SAMTOR: variants seen among roughly 807,000 people sequenced by gnomAD.
SAMTOR encodes the protein S-adenosylmethionine sensor upstream of mTORC1.
chr7:112,859,712 AAAAAC>A, the SAMTOR span, among the ~76,000 whole-genome samples: 1 of 152,226 alleles, frequency 6.6e-6, no homozygotes, highest in Admixed American at 6.5e-5. Flanking sequence ...AAAAAGTAAA[AAAAAC>A]AAAATTTAAA....
chr7:112,927,256 A>G, the SAMTOR span, among the ~76,000 whole-genome samples: 4 of 152,138 alleles, frequency 2.6e-5, no homozygotes, highest in East Asian at 7.7e-4. Flanking sequence ...TTAAAACTCA[A>G]TTTTAAGGAT....
chr7:112,864,070 T>C, the SAMTOR span, among the ~76,000 whole-genome samples: 1 of 152,088 alleles, frequency 6.6e-6, no homozygotes, highest in African/African-American at 2.4e-5. Flanking sequence ...TATGCAGCTA[T>C]AAAAAAATGA....
At chr7:112,914,509 T>G in the SAMTOR span, among the ~76,000 whole-genome samples, 1 of 152,070 alleles carries the variant, frequency 6.6e-6, no homozygotes, top group Non-Finnish European at 1.5e-5. Flanking sequence ...TTTTCTGATA[T>G]TTTTAGCATT....
At chr7:112,909,461 C>T in the SAMTOR span, among the ~76,000 whole-genome samples, 20 of 152,046 alleles carry the variant, frequency 1.3e-4, no homozygotes, top group African/African-American at 4.8e-5. Context: ...CAATAAAAAA[C>T]GCCCCAAACT....
the SAMTOR span, among the ~76,000 whole-genome samples, chr7:112,853,933 G>A: frequency 6.6e-6 from 1 of 152,046 alleles, no homozygotes. Context: ...TTTTAGAGCA[G>A]GGAAAATTCA....
chr7:112,905,791 T>C, the SAMTOR span, among the ~76,000 whole-genome samples: 2 of 151,888 alleles, frequency 1.3e-5, no homozygotes, highest in Non-Finnish European at 2.9e-5. Flanking sequence ...GAAATATATA[T>C]ATATACACAC....
the SAMTOR span, among the ~76,000 whole-genome samples, chr7:112,907,920 T>C: frequency 6.6e-6 from 1 of 151,980 alleles, no homozygotes; most frequent in African/African-American, 2.4e-5. Context: ...ACAGGGCAAT[T>C]TGGCAGCACA....
chr7:112,870,210 G>A, the SAMTOR span, among the ~76,000 whole-genome samples: 1 of 152,106 alleles, frequency 6.6e-6, no homozygotes, highest in Non-Finnish European at 1.5e-5. Flanking sequence ...AGTCCTGTGA[G>A]ATACTAGACA....
chr7:112,825,153 C>T, the SAMTOR span, among the ~76,000 whole-genome samples: 5 of 152,084 alleles, frequency 3.3e-5, no homozygotes, highest in East Asian at 9.7e-4. Flanking sequence ...TCCTGAGTAG[C>T]TGGGACCACA....
chr7:112,881,513 C>A, the SAMTOR span, among the ~76,000 whole-genome samples: 3 of 152,306 alleles, frequency 2.0e-5, no homozygotes, highest in African/African-American at 7.2e-5. Context: ...CAGACTCAAA[C>A]AGACATTGGG....
chr7:112,831,979 A>G, the SAMTOR span, among the ~76,000 whole-genome samples: 1 of 151,374 alleles, frequency 6.6e-6, no homozygotes, highest in Non-Finnish European at 1.5e-5. Context: ...CAAACACTAC[A>G]GCTATGTGGA....
At chr7:112,878,113 C>T in the SAMTOR span, among the ~76,000 whole-genome samples, 7 of 152,104 alleles carry the variant, frequency 4.6e-5, no homozygotes, top group African/African-American at 9.7e-5. Context: ...ACTTTTTCTG[C>T]GCTTCCCATT....
chr7:112,861,595 G>T, the SAMTOR span, among the ~76,000 whole-genome samples: 6 of 152,064 alleles, frequency 3.9e-5, no homozygotes, highest in Non-Finnish European at 7.4e-5. Flanking sequence ...TAAAACAGTT[G>T]GTCCCTTGAC....
the SAMTOR span, among the ~76,000 whole-genome samples, chr7:112,902,373 G>A: frequency 2.9e-5 from 4 of 137,392 alleles, no homozygotes; most frequent in Non-Finnish European, 4.6e-5. Context: ...CTGAGATCGC[G>A]GCATTGCACT....
chr7:112,842,315 G>A, the SAMTOR span, among the ~76,000 whole-genome samples: 1 of 151,932 alleles, frequency 6.6e-6, no homozygotes, highest in South Asian at 2.1e-4. Context: ...TTTGGATGAA[G>A]GAATAGATTT....
chr7:112,883,090 T>C, the SAMTOR span, among the ~76,000 whole-genome samples: 1 of 152,208 alleles, frequency 6.6e-6, no homozygotes, highest in African/African-American at 2.4e-5. Flanking sequence ...TAAGAATATG[T>C]CCAATATTTT....
chr7:112,857,426 C>T, the SAMTOR span, among the ~76,000 whole-genome samples: 1 of 151,946 alleles, frequency 6.6e-6, no homozygotes, highest in African/African-American at 2.4e-5. Context: ...AAAATAAAAC[C>T]ACAAAACAAT....
the SAMTOR span, among the ~76,000 whole-genome samples, chr7:112,896,279 TTTC>T: frequency 0.012 from 1,762 of 152,318 alleles, 36 homozygotes; most frequent in African/African-American, 0.039. Context: ...CGAGCTCATT[TTTC>T]TTCTTATTTG....
At chr7:112,822,240 AC>A in the SAMTOR span, 1 of 1,613,518 alleles carries the variant, frequency 6.2e-7, no homozygotes, top group Non-Finnish European at 8.5e-7. Context: ...AGAGAAAACA[AC>A]CACATGGAAA....
Sources: allele counts gnomAD v4.1 joint callset (sites outside exome capture counted in the v4.1 genomes callset), GRCh38; gene constraint gnomAD v4.1.1; transcripts MANE v1.5; gene names NCBI Gene and HGNC (gene_info 2026-07-23, HGNC 2026-07-21).